TRIP4: variants seen among roughly 807,000 people sequenced by gnomAD.
The protein encoded by TRIP4 is activating signal cointegrator 1.
A neutral mutation model predicts 81.8 loss-of-function variants in TRIP4; 54 were observed. The ratio of observed to expected loss-of-function variants is 0.66; its 90% CI spans 0.53 to 0.83. TRIP4 has a LOEUF of 0.83. Among genes scored for constraint, TRIP4 ranks in the 40% least tolerant of loss-of-function variants. TRIP4 has a pLI of 0.00. For missense variants in TRIP4, 662 were observed against 683.6 expected (o/e 0.97, Z 0.35); for synonymous variants, 270 against 242.8 (o/e 1.11, Z -1.04).
intron 1 of TRIP4, among the ~76,000 whole-genome samples, chr15:64,392,493 G>A (rs574285943): frequency 6.6e-6 from 1 of 152,138 alleles, no homozygotes; most frequent in East Asian, 1.9e-4. Flanking sequence ...TGGGGGGTGT[G>A]TGTATGTGTG....
chr15:64,417,603 C>T (rs1267516205), intron 8 of TRIP4, among the ~76,000 whole-genome samples: 2 of 152,206 alleles, frequency 1.3e-5, no homozygotes. Flanking sequence ...CAAGACTCTT[C>T]ACTCTCCTGT....
chr15:64,410,463 G>A (rs1891737481), intron 7 of TRIP4, among the ~76,000 whole-genome samples: 2 of 152,148 alleles, frequency 1.3e-5, no homozygotes, highest in Admixed American at 6.6e-5. Context: ...TGTGAGTTTA[G>A]TAATCAATAA....
At position 64,424,103 on chromosome 15, in the gene TRIP4, C is replaced by T; in HGVS notation, c.1431C>T (p.Ser477=). The T allele has an allele frequency of 6.2e-7, 1 of 1,614,122 alleles. No homozygotes were observed. The highest frequency in any genetic ancestry group is 2.2e-5 in the East Asian group (1 of 44,870). The change falls in exon 10 of 13, where the codon TCC becomes TCT. Residue 477 remains serine (S), a synonymous_variant. Coordinates refer to ENST00000261884, the MANE Select transcript of TRIP4 (RefSeq NM_016213.5). ...LWIAATAKKP[S]PQEVSELQAT... is the part of the protein sequence containing the mutation. Reference sequence around the variant, plus strand: ...TAGCAGCCACAGCTAAAAAACCCTCCCCTCAAGAAGTCTCAGAACTCCAGG... The same window carrying T: ...TAGCAGCCACAGCTAAAAAACCCTCTCCTCAAGAAGTCTCAGAACTCCAGG...
At chr15:64,454,585 C>T (rs1447644132) in intron 12 of TRIP4, among the ~76,000 whole-genome samples, 2 of 151,998 alleles carry the variant, frequency 1.3e-5, no homozygotes, top group Non-Finnish European at 2.9e-5. Context: ...CTGCTTTTCT[C>T]ACTGTGAAGG....
chr15:64,399,549 C>A (rs553579963), intron 4 of TRIP4, among the ~76,000 whole-genome samples: 1 of 152,072 alleles, frequency 6.6e-6, no homozygotes, highest in Admixed American at 6.5e-5. Context: ...CTCTCTTGCC[C>A]AGCCTGGAGT....
rs111297650 is a variant in TRIP4, at chr15:64,393,992, A to G, written c.148A>G (p.Thr50Ala). Residue 50 changes from threonine to alanine, a missense_variant, in exon 2 of 13, where the codon ACT (threonine) becomes GCT (alanine). Thr to Ala is a moderately conservative substitution (Grantham distance 58). Coordinates refer to ENST00000261884, the MANE Select transcript of TRIP4 (RefSeq NM_016213.5). ...ESAEEIREYV[T>A]DLLQGNEGKK... ...TGCTGAAGAGATACGAGAATATGTT[A>G]CTGATCTCCTCCAGGGAAATGAAGG... 6.2e-7 allele frequency: 1 copy of G among 1,609,090 alleles called. No homozygotes were observed. The highest frequency in any genetic ancestry group is 8.5e-7 in the Non-Finnish European group (1 of 1,177,926).
chr15:64,388,054 G>A, intron 1 of TRIP4, 90 bp downstream of exon 1: 1 of 1,444,996 alleles, frequency 6.9e-7, no homozygotes, highest in Non-Finnish European at 9.1e-7. Context: ...GAAAAGTTAA[G>A]AGAGAAATGT....
At chr15:64,451,953 CAA>C (rs35984161) in intron 12 of TRIP4, among the ~76,000 whole-genome samples, 150 of 137,400 alleles carry the variant, frequency 1.1e-3, no homozygotes, top group Admixed American at 1.1e-3. Context: ...GTGCCCGGCC[CAA>C]AAAAAAAAAA....
At chr15:64,401,967 T>C (rs1217961051) in intron 5 of TRIP4, among the ~76,000 whole-genome samples, 2 of 152,146 alleles carry the variant, frequency 1.3e-5, no homozygotes, top group African/African-American at 4.8e-5. Flanking sequence ...GACGACTAAT[T>C]GCAGTATAGA....
chr15:64,419,331 C>T (rs984173983), intron 9 of TRIP4, among the ~76,000 whole-genome samples: 3 of 151,908 alleles, frequency 2.0e-5, no homozygotes, highest in South Asian at 2.1e-4. Context: ...CTTACTATTC[C>T]GTGGTGTCTT....
At chr15:64,447,198 G>A (rs1290284542) in intron 12 of TRIP4, among the ~76,000 whole-genome samples, 1 of 152,142 alleles carries the variant, frequency 6.6e-6, no homozygotes, top group Non-Finnish European at 1.5e-5. Flanking sequence ...AGCAACATCA[G>A]CAACTCTCCC....
chr15:64,395,947 C>T (rs1238839902), intron 3 of TRIP4, among the ~76,000 whole-genome samples: 10 of 151,432 alleles, frequency 6.6e-5, no homozygotes, highest in South Asian at 4.2e-4. Context: ...CTCGCTCTGT[C>T]GCCCAGGCTG....
chr15:64,409,324 A>C (rs539870560), intron 6 of TRIP4, among the ~76,000 whole-genome samples: 6 of 152,190 alleles, frequency 3.9e-5, no homozygotes, highest in Non-Finnish European at 8.8e-5. Flanking sequence ...TAAGCTGTCA[A>C]ACTTGAACTC....
Position 64,424,059 on chromosome 15 carries a change from C to T in TRIP4, c.1387C>T (p.His463Tyr), listed in dbSNP as rs375004645. 8.1e-6 allele frequency: 13 copies of T among 1,614,080 alleles called. No individual in the cohort carries two copies. The highest frequency in any genetic ancestry group is 2.2e-5 in the East Asian group (1 of 44,880). Residue 463 changes from histidine to tyrosine, a missense_variant, in exon 10 of 13, where the codon CAC becomes TAC. By Grantham distance (83) the His-to-Tyr change is moderately conservative (BLOSUM62 2). Coordinates refer to ENST00000261884, the MANE Select transcript of TRIP4 (RefSeq NM_016213.5). The part of the protein sequence containing the change: ...RVEGRSWYTP[H>Y]RGRLWIAATA... ...GGAGGGCAGATCCTGGTACACCCCC[C>T]ACAGAGGACGACTTTGGATAGCAGC...
At position 64,387,858 on chromosome 15, in the gene TRIP4, G is replaced by A; in HGVS notation, c.-6G>A. On this transcript the variant is annotated 5_prime_UTR_variant, in exon 1 of 13. Coordinates refer to ENST00000261884, the MANE Select transcript of TRIP4 (RefSeq NM_016213.5). ...TTTGCAGCTCAGCTGGTTCCGGCTG[G>A]GGAAGATGGCGGTGGCTGGGGCGGT... 1 of 1,544,240 alleles carries A rather than the reference G, an allele frequency of 6.5e-7. No individual in the cohort carries two copies. Among genetic ancestry groups the A allele is most frequent in the Non-Finnish European group, 8.7e-7 (1 of 1,146,554 alleles).
intron 9 of TRIP4, among the ~76,000 whole-genome samples, chr15:64,423,689 A>G (rs1360341208): frequency 6.6e-6 from 1 of 152,106 alleles, no homozygotes; most frequent in African/African-American, 2.4e-5. Context: ...CTCTAATATG[A>G]TTTATATGCC....
chr15:64,400,015 C>T (rs1891453814), intron 4 of TRIP4, among the ~76,000 whole-genome samples: 1 of 151,150 alleles, frequency 6.6e-6, no homozygotes, highest in Non-Finnish European at 1.5e-5. Flanking sequence ...ATAACGTACT[C>T]TCAAAGATAA....
At chr15:64,417,145 C>G (rs1371012672) in intron 8 of TRIP4, among the ~76,000 whole-genome samples, 9 of 152,122 alleles carry the variant, frequency 5.9e-5, no homozygotes. Context: ...GTGGCTCAGA[C>G]TACAGTAGCC....
chr15:64,447,601 C>G (rs1183516206), intron 12 of TRIP4, among the ~76,000 whole-genome samples: 1 of 152,234 alleles, frequency 6.6e-6, no homozygotes, highest in Non-Finnish European at 1.5e-5. Context: ...GATTCCTACA[C>G]ATTCGAAGAT....
Sources: gnomAD v4.1 joint callset for allele counts (sites outside exome capture counted in the v4.1 genomes callset) on GRCh38, gnomAD v4.1.1 for gene constraint, MANE v1.5 for transcripts, NCBI Gene and HGNC (gene_info 2026-07-23, HGNC 2026-07-21) for gene names.